FAM153A: variants seen among roughly 807,000 people sequenced by gnomAD.
The protein encoded by FAM153A is family with sequence similarity 153 member A.
In FAM153A, 12 loss-of-function variants were observed where a neutral mutation model predicts 48.1. The ratio of observed to expected loss-of-function variants is 0.25; its 90% CI spans 0.16 to 0.40. The LOEUF is 0.40. Among genes scored for constraint, FAM153A ranks in the 10% least tolerant of loss-of-function variants. FAM153A has a pLI of 1.00. For synonymous variants in FAM153A, 36 were observed against 118.2 expected, an observed-to-expected ratio of 0.30 and a Z score of 4.51; for missense variants, 111 against 345.8, an observed-to-expected ratio of 0.32 and a Z score of 5.38.
At chr5:177,748,929 A>G (rs1180626130) in intron 2 of FAM153A, among the ~76,000 whole-genome samples, 3 of 144,002 alleles carry the variant, frequency 2.1e-5, no homozygotes, top group Non-Finnish European at 4.5e-5. Context: ...CACCACTGCG[A>G]AAAAGGCAGA....
exon 1 of FAM153A, chr5:177,753,200 A>T: frequency 1.2e-6 from 2 of 1,610,850 alleles, no homozygotes; most frequent in Non-Finnish European, 1.7e-6. Context: ...CTATAAACAC[A>T]TCCCATTGTG....
chr5:177,696,300 G>T, the FAM153A span, among the ~76,000 whole-genome samples: 2 of 141,570 alleles, frequency 1.4e-5, no homozygotes, highest in African/African-American at 5.4e-5. Context: ...TCCCAGACGG[G>T]GTGGCGGCCG....
chr5:177,721,693 A>ATT (rs4045860), downstream of FAM153A, among the ~76,000 whole-genome samples: 183 of 59,972 alleles, frequency 3.1e-3, 3 homozygotes, highest in African/African-American at 7.7e-3. Context: ...TAATTAAAGG[A>ATT]TTTTTTTTTT....
downstream of FAM153A, among the ~76,000 whole-genome samples, chr5:177,710,244 C>T (rs1283851838): frequency 6.6e-6 from 1 of 151,388 alleles, no homozygotes; most frequent in Admixed American, 6.6e-5. Context: ...TCCCAGGTAG[C>T]TGGGACTACA....
upstream of FAM153A, among the ~76,000 whole-genome samples, chr5:177,755,856 A>G (rs1220090888): frequency 6.7e-6 from 1 of 149,710 alleles, no homozygotes; most frequent in Non-Finnish European, 1.5e-5. Context: ...GGAAAGGAAC[A>G]ACCGGTACCA....
upstream of FAM153A, chr5:177,782,961 G>C (rs1200833331): frequency 1.1e-5 from 1 of 94,374 alleles, no homozygotes; most frequent in Non-Finnish European, 2.2e-5. Flanking sequence ...GGCCCACCCC[G>C]CCTTAAGGGG....
At chr5:177,737,839 A>G (rs1251367636) in intron 10 of FAM153A, among the ~76,000 whole-genome samples, 2 of 151,810 alleles carry the variant, frequency 1.3e-5, no homozygotes, top group Non-Finnish European at 2.9e-5. Context: ...TGTACTAGAA[A>G]CAAAGCAACC....
At chr5:177,719,149 G>A (rs1178833349), downstream of FAM153A, among the ~76,000 whole-genome samples, 1 of 151,342 alleles carries the variant, frequency 6.6e-6, no homozygotes, top group East Asian at 1.9e-4. Flanking sequence ...CTACCAAAGT[G>A]CTGGGATTAC....
chr5:177,702,563 C>T, the FAM153A span, among the ~76,000 whole-genome samples: 1 of 151,864 alleles, frequency 6.6e-6, no homozygotes, highest in Non-Finnish European at 1.5e-5. Context: ...ATAGCCAAGA[C>T]AATGGGGGAA....
At chr5:177,728,518 ATGG>A (rs1264080914) in intron 18 of FAM153A, among the ~76,000 whole-genome samples, 1 of 143,860 alleles carries the variant, frequency 7.0e-6, no homozygotes, top group Non-Finnish European at 1.5e-5. Flanking sequence ...TGACAGTAGC[ATGG>A]TTAGAGTACT....
chr5:177,699,651 C>G, the FAM153A span, among the ~76,000 whole-genome samples: 1 of 152,254 alleles, frequency 6.6e-6, no homozygotes, highest in Non-Finnish European at 1.5e-5. Flanking sequence ...CTGAAATTGA[C>G]TCAAGAAGAA....
chr5:177,759,690 C>T (rs1768111705), intron 1 of FAM153A, among the ~76,000 whole-genome samples: 1 of 151,364 alleles, frequency 6.6e-6, no homozygotes, highest in African/African-American at 2.4e-5. Flanking sequence ...TGGAAACCAT[C>T]ATTCTCAGCA....
chr5:177,695,193 A>AT, the FAM153A span, among the ~76,000 whole-genome samples: 1 of 142,964 alleles, frequency 7.0e-6, no homozygotes, highest in South Asian at 2.4e-4. Context: ...AAGTGCTGGG[A>AT]TTACAGGCGT....
downstream of FAM153A, among the ~76,000 whole-genome samples, chr5:177,710,182 G>A (rs928518830): frequency 6.7e-6 from 1 of 150,308 alleles, no homozygotes; most frequent in African/African-American, 2.5e-5. Flanking sequence ...GCATGATCTC[G>A]GCTCACTGCA....
intron 16 of FAM153A, among the ~76,000 whole-genome samples, chr5:177,730,569 A>C (rs1351991806): frequency 2.5e-5 from 3 of 120,052 alleles, no homozygotes; most frequent in Non-Finnish European, 5.6e-5. Flanking sequence ...GGGTTAGCTG[A>C]CCATTGAGAC....
intron 1 of FAM153A, among the ~76,000 whole-genome samples, chr5:177,779,289 C>CGT (rs35016924): frequency 9.1e-6 from 1 of 109,878 alleles, no homozygotes; most frequent in Non-Finnish European, 1.8e-5. Context: ...ACTTTGTGTG[C>CGT]GTGTGTGTGT....
At chr5:177,734,091 A>G (rs146665535) in intron 14 of FAM153A, among the ~76,000 whole-genome samples, 993 of 92,634 alleles carry the variant, frequency 0.011, 8 homozygotes, top group East Asian at 0.03. Context: ...CCACACACAC[A>G]CCCCCAGACT....
At chr5:177,716,565 TCA>T (rs1200581426) in intron 24 of FAM153A, 1 of 151,812 alleles carries the variant, frequency 6.6e-6, no homozygotes, top group East Asian at 1.9e-4. Context: ...CTGACAATTC[TCA>T]GTTGAAATGT....
the FAM153A span, among the ~76,000 whole-genome samples, chr5:177,697,550 G>T: frequency 6.6e-6 from 1 of 151,822 alleles, no homozygotes; most frequent in Non-Finnish European, 1.5e-5. Flanking sequence ...TGCACAGTCT[G>T]GGATGCTTCT....
Sources: gnomAD v4.1 joint callset for allele counts (sites outside exome capture counted in the v4.1 genomes callset) on GRCh38, gnomAD v4.1.1 for gene constraint, MANE v1.5 for transcripts, NCBI Gene and HGNC (gene_info 2026-07-23, HGNC 2026-07-21) for gene names.